The following LRRTM3 variants were observed in gnomAD, a reference collection of about 807,000 sequenced individuals.
LRRTM3 encodes leucine-rich repeat transmembrane neuronal protein 3.
LRRTM3 carries 24 observed loss-of-function variants against 44.7 expected under a neutral mutation model. The ratio of observed to expected loss-of-function variants is 0.54; its 90% CI spans 0.39 to 0.76. The LOEUF is 0.76. LRRTM3 is among the 30% of genes least tolerant of loss of function. LRRTM3 has a pLI of 0.00. For synonymous variants in LRRTM3, 277 were observed against 278.7 expected, an observed-to-expected ratio of 0.99 and a Z score of 0.06; for missense variants, 587 against 702.2, an observed-to-expected ratio of 0.84 and a Z score of 1.85.
intron 2 of LRRTM3, among the ~76,000 whole-genome samples, chr10:66,971,433 A>G (rs949428854): frequency 6.6e-6 from 1 of 152,196 alleles, no homozygotes; most frequent in African/African-American, 2.4e-5. Flanking sequence ...TCTCAAAAAA[A>G]AAAATACATA....
intron 2 of LRRTM3, among the ~76,000 whole-genome samples, chr10:66,995,484 T>C (rs1041375777): frequency 1.1e-4 from 17 of 152,220 alleles, no homozygotes; most frequent in African/African-American, 3.9e-4. Flanking sequence ...ATTCACCAAG[T>C]GATCTTTTTA....
intron 2 of LRRTM3, among the ~76,000 whole-genome samples, chr10:66,977,167 G>A (rs545057928): frequency 4.6e-5 from 7 of 152,218 alleles, no homozygotes; most frequent in East Asian, 1.9e-4. Flanking sequence ...GGCCGGGCAC[G>A]GTGGCTTACA....
intron 2 of LRRTM3, among the ~76,000 whole-genome samples, chr10:67,082,426 A>G (rs1224732821): frequency 6.6e-6 from 1 of 152,180 alleles, no homozygotes; most frequent in Non-Finnish European, 1.5e-5. Context: ...TGCCTAATCA[A>G]TATCACTCCT....
At chr10:67,093,964 C>G (rs1422995694) in intron 2 of LRRTM3, among the ~76,000 whole-genome samples, 1 of 151,904 alleles carries the variant, frequency 6.6e-6, no homozygotes, top group Non-Finnish European at 1.5e-5. Context: ...TGATGTCAGG[C>G]AGCAGGTAGT....
chr10:66,986,476 G>A (rs1345635932), intron 2 of LRRTM3, among the ~76,000 whole-genome samples: 1 of 148,686 alleles, frequency 6.7e-6, no homozygotes, highest in Non-Finnish European at 1.5e-5. Flanking sequence ...CAGCCTCAGC[G>A]ACAGAGCAAG....
intron 2 of LRRTM3, among the ~76,000 whole-genome samples, chr10:66,983,084 A>T (rs952603626): frequency 6.6e-6 from 1 of 152,218 alleles, no homozygotes; most frequent in Non-Finnish European, 1.5e-5. Flanking sequence ...TGATTTCATA[A>T]ATCAATTACA....
intron 2 of LRRTM3, among the ~76,000 whole-genome samples, chr10:66,928,746 A>T (rs941981587): frequency 1.3e-5 from 2 of 152,230 alleles, no homozygotes; most frequent in African/African-American, 2.4e-5. Flanking sequence ...TTAATGTCGC[A>T]TTTGTTTTAA....
At chr10:67,037,794 G>C (rs1854155801) in intron 2 of LRRTM3, among the ~76,000 whole-genome samples, 1 of 152,126 alleles carries the variant, frequency 6.6e-6, no homozygotes, top group Non-Finnish European at 1.5e-5. Flanking sequence ...ATGGATGGTA[G>C]TTACAGTCAG....
At chr10:67,076,807 T>C (rs989875037) in intron 2 of LRRTM3, among the ~76,000 whole-genome samples, 2 of 152,106 alleles carry the variant, frequency 1.3e-5, no homozygotes, top group Non-Finnish European at 2.9e-5. Context: ...TTTAGAAAAA[T>C]GCTCTACTGA....
intron 2 of LRRTM3, among the ~76,000 whole-genome samples, chr10:67,008,161 T>C (rs957614071): frequency 2.0e-5 from 3 of 152,218 alleles, no homozygotes; most frequent in East Asian, 1.9e-4. Context: ...TAATAAAATA[T>C]TGATGAGTTC....
At chr10:67,033,129 G>A (rs936550335) in intron 2 of LRRTM3, among the ~76,000 whole-genome samples, 3 of 152,148 alleles carry the variant, frequency 2.0e-5, no homozygotes, top group Non-Finnish European at 4.4e-5. Context: ...TAAATTGAAG[G>A]AAACCGACTG....
intron 2 of LRRTM3, among the ~76,000 whole-genome samples, chr10:66,953,408 G>A (rs1848637225): frequency 6.6e-6 from 1 of 152,118 alleles, no homozygotes; most frequent in Non-Finnish European, 1.5e-5. Flanking sequence ...ATGAATCAAG[G>A]AGGTTTATTT....
intron 2 of LRRTM3, among the ~76,000 whole-genome samples, chr10:67,002,396 A>G (rs1397213263): frequency 1.3e-5 from 2 of 152,154 alleles, no homozygotes; most frequent in Admixed American, 1.3e-4. Flanking sequence ...TTTCTGTAAA[A>G]GTGAGAAATG....
intron 2 of LRRTM3, among the ~76,000 whole-genome samples, chr10:67,017,423 T>C (rs754390524): frequency 2.6e-5 from 4 of 152,176 alleles, no homozygotes; most frequent in Non-Finnish European, 5.9e-5. Flanking sequence ...GAGTTGATTA[T>C]GTGGAATAAA....
At chr10:66,931,893 T>A (rs1564775687) in intron 2 of LRRTM3, among the ~76,000 whole-genome samples, 1 of 152,204 alleles carries the variant, frequency 6.6e-6, no homozygotes, top group East Asian at 1.9e-4. Context: ...TTGATATTTT[T>A]ATTAAAGGGG....
At chr10:66,981,401 CT>C (rs1183980843) in intron 2 of LRRTM3, among the ~76,000 whole-genome samples, 1 of 152,234 alleles carries the variant, frequency 6.6e-6, no homozygotes, top group East Asian at 1.9e-4. Context: ...CTGCACTCTT[CT>C]GGATTTTGAG....
chr10:66,961,756 A>G (rs1849119264), intron 2 of LRRTM3, among the ~76,000 whole-genome samples: 1 of 152,112 alleles, frequency 6.6e-6, no homozygotes, highest in Admixed American at 6.5e-5. Context: ...CCTTGAGGAC[A>G]TTTCAAAGGC....
intron 2 of LRRTM3, among the ~76,000 whole-genome samples, chr10:66,934,067 CAGAG>C (rs1847556453): frequency 6.6e-6 from 1 of 151,836 alleles, no homozygotes; most frequent in Non-Finnish European, 1.5e-5. Flanking sequence ...TCCAGGAACA[CAGAG>C]AGAACAGGAA....
chr10:67,078,125 G>GT (rs1287652898), intron 2 of LRRTM3, among the ~76,000 whole-genome samples: 1 of 152,184 alleles, frequency 6.6e-6, no homozygotes, highest in Non-Finnish European at 1.5e-5. Context: ...TCTCTCAGGA[G>GT]TAATAACCTC....
Sources: gnomAD v4.1 joint callset for allele counts (sites outside exome capture counted in the v4.1 genomes callset) on GRCh38, gnomAD v4.1.1 for gene constraint, MANE v1.5 for transcripts, NCBI Gene and HGNC (gene_info 2026-07-23, HGNC 2026-07-21) for gene names.